The following AGBL1 variants were observed in gnomAD, a reference collection of about 807,000 sequenced individuals.
AGBL1 encodes cytosolic carboxypeptidase 4.
A neutral mutation model predicts 118.9 loss-of-function variants in AGBL1; 130 were observed. That is an observed-to-expected ratio of 1.09 (90% CI 0.95 to 1.26). The LOEUF is 1.26. Ranked by LOEUF, AGBL1 falls within the 50% of genes most tolerant of loss-of-function variation. The pLI is 0.00. For missense variants in AGBL1, 1,584 were observed against 1,298.1 expected (o/e 1.22, Z -3.38); for synonymous variants, 555 against 478.9 (o/e 1.16, Z -2.08).
chr15:86,717,835 T>A (rs998307379), intron 22 of AGBL1, among the ~76,000 whole-genome samples: 1 of 152,084 alleles, frequency 6.6e-6, no homozygotes. Flanking sequence ...ATCTCAGCAT[T>A]TTGGGAGGCT....
At chr15:86,396,143 ATGTG>A (rs1188397681) in intron 17 of AGBL1, among the ~76,000 whole-genome samples, 1 of 88,376 alleles carries the variant, frequency 1.1e-5, no homozygotes, top group Non-Finnish European at 1.9e-5. Flanking sequence ...ATTCATATAT[ATGTG>A]TATATATATA....
At position 86,912,145 on chromosome 15, in the gene AGBL1, A is replaced by G. The variant is rs2080360593; in HGVS notation, c.*4851A>G. On this transcript the variant is annotated 3_prime_UTR_variant, in exon 23 of 23. Transcript: ENST00000614907. ...AAGAGTTTGTGTTATAGACAGGGAA[A>G]CACAAAGAAGAGTTTGTGTTGTAGT... is the stretch of plus-strand genomic sequence containing the variant. 6.6e-6 allele frequency: 1 copy of G among 152,178 alleles called. No homozygotes were observed. The highest frequency in any genetic ancestry group is 1.5e-5 in the Non-Finnish European group (1 of 68,028). The allele number at this position is 152,178 out of a possible 1,614,324, so 9.4% of individuals were successfully genotyped here. A position where few individuals can be genotyped will look rare whatever the true frequency, so the allele number is the denominator to read the frequency against.
At chr15:86,115,907 A>G (rs1296930213) in intron 1 of AGBL1, among the ~76,000 whole-genome samples, 2 of 152,168 alleles carry the variant, frequency 1.3e-5, no homozygotes, top group African/African-American at 2.4e-5. Context: ...CTCTCCTGTT[A>G]TAATTATTAG....
chr15:86,151,375 T>C (rs2077108070), intron 3 of AGBL1, among the ~76,000 whole-genome samples: 1 of 148,568 alleles, frequency 6.7e-6, no homozygotes, highest in African/African-American at 2.5e-5. Context: ...TGGTTCACCA[T>C]ACACAAATCA....
At chr15:86,198,252 A>G (rs1466878951) in intron 5 of AGBL1, among the ~76,000 whole-genome samples, 4 of 152,176 alleles carry the variant, frequency 2.6e-5, no homozygotes, top group Non-Finnish European at 5.9e-5. Flanking sequence ...TGTATTTTCA[A>G]TGCACATAAG....
At chr15:86,467,307 G>A (rs1312689725) in intron 18 of AGBL1, among the ~76,000 whole-genome samples, 3 of 152,166 alleles carry the variant, frequency 2.0e-5, no homozygotes, top group African/African-American at 7.2e-5. Context: ...CTCAGCAATG[G>A]CGGACACTCC....
intron 4 of AGBL1, among the ~76,000 whole-genome samples, chr15:86,156,702 G>T: frequency 6.6e-6 from 1 of 151,846 alleles, no homozygotes; most frequent in East Asian, 1.9e-4. Flanking sequence ...GTACAGATAT[G>T]GGGAGTTAAT....
chr15:86,763,211 A>G (rs1291996467), intron 22 of AGBL1, among the ~76,000 whole-genome samples: 1 of 152,016 alleles, frequency 6.6e-6, no homozygotes, highest in East Asian at 1.9e-4. Flanking sequence ...TATTGACTGT[A>G]AGATTTATGA....
chr15:86,624,719 G>A (rs1304658931), intron 21 of AGBL1, among the ~76,000 whole-genome samples: 1 of 152,130 alleles, frequency 6.6e-6, no homozygotes, highest in Non-Finnish European at 1.5e-5. Flanking sequence ...TTTATTAAGG[G>A]ACACTGTGCT....
chr15:86,894,358 A>C (rs1365877749), intron 22 of AGBL1, among the ~76,000 whole-genome samples: 2 of 152,172 alleles, frequency 1.3e-5, no homozygotes, highest in East Asian at 3.9e-4. Flanking sequence ...ACTATTGCTG[A>C]AGTTATTGTA....
At chr15:86,935,735 T>C (rs749868301) in intron 23 of AGBL1, among the ~76,000 whole-genome samples, 4 of 152,204 alleles carry the variant, frequency 2.6e-5, no homozygotes, top group Non-Finnish European at 4.4e-5. Flanking sequence ...CTTGTTGTTG[T>C]CATGCTGTGG....
intron 1 of AGBL1, among the ~76,000 whole-genome samples, chr15:86,093,384 G>A (rs1487850332): frequency 6.6e-6 from 1 of 152,178 alleles, no homozygotes; most frequent in African/African-American, 2.4e-5. Flanking sequence ...AGGCATTAGA[G>A]GGAGATAAGC....
chr15:86,162,560 C>G (rs140051163), intron 5 of AGBL1, among the ~76,000 whole-genome samples: 1 of 152,272 alleles, frequency 6.6e-6, no homozygotes, highest in East Asian at 1.9e-4. Flanking sequence ...CTATTTCAGG[C>G]CTCCTCCACT....
intron 23 of AGBL1, among the ~76,000 whole-genome samples, chr15:86,943,287 T>G (rs574247774): frequency 7.9e-4 from 120 of 152,308 alleles, no homozygotes; most frequent in African/African-American, 2.7e-3. Flanking sequence ...ACTGGAAACT[T>G]TGTGTGGACT....
At chr15:86,401,988 T>C (rs1219833994) in intron 18 of AGBL1, among the ~76,000 whole-genome samples, 1 of 152,046 alleles carries the variant, frequency 6.6e-6, no homozygotes, top group African/African-American at 2.4e-5. Flanking sequence ...CTTTGAAGAA[T>C]GATGATGGTA....
chr15:86,646,171 C>G (rs2085276571), intron 21 of AGBL1, among the ~76,000 whole-genome samples: 1 of 152,134 alleles, frequency 6.6e-6, no homozygotes, highest in Admixed American at 6.5e-5. Flanking sequence ...TCAATGCTGT[C>G]AGTAGAATAT....
intron 24 of AGBL1, among the ~76,000 whole-genome samples, chr15:87,009,612 A>G (rs916216164): frequency 6.6e-6 from 1 of 152,154 alleles, no homozygotes; most frequent in Non-Finnish European, 1.5e-5. Flanking sequence ...GACAGCTTGC[A>G]CTATGCACCT....
intron 7 of AGBL1, 79 bp downstream of exon 7, chr15:86,247,958 A>G: frequency 2.0e-6 from 3 of 1,528,202 alleles, no homozygotes; most frequent in Non-Finnish European, 2.7e-6. Context: ...GAATCATCCC[A>G]GATAGAGCTG....
intron 6 of AGBL1, among the ~76,000 whole-genome samples, chr15:86,233,227 C>A (rs1307930566): frequency 6.6e-6 from 1 of 152,184 alleles, no homozygotes; most frequent in Non-Finnish European, 1.5e-5. Flanking sequence ...TCAATGCAGC[C>A]ATTGATTGGC....
Sources: gnomAD v4.1 joint callset for allele counts (sites outside exome capture counted in the v4.1 genomes callset) on GRCh38, gnomAD v4.1.1 for gene constraint, MANE v1.5 for transcripts, NCBI Gene and HGNC (gene_info 2026-07-23, HGNC 2026-07-21) for gene names.